OR5M3: variants seen among roughly 807,000 people sequenced by gnomAD.
OR5M3 encodes olfactory receptor family 5 subfamily M member 3, also known as olfactory receptor 5M3.
For missense variants in OR5M3, 384 were observed against 378.6 expected (o/e 1.01, Z -0.12); for synonymous variants, 129 against 131.3 (o/e 0.98, Z 0.12).
chr11:56,469,382 T>A lies in OR5M3; in HGVS notation c.*192A>T, dbSNP rs184099933. 8.8e-4 allele frequency: 385 copies of A among 435,572 alleles called. 1 individual carries two copies. Among genetic ancestry groups the A allele is most frequent in the Non-Finnish European group, 4.3e-4 (105 of 243,704 alleles). 27.0% of individuals were successfully genotyped at this position (435,572 alleles called of 1,614,324 possible). On this transcript the variant is annotated 3_prime_UTR_variant, in exon 2 of 2. Transcript: ENST00000641993. ...CACAGTTTCAATTAACTTATTTGTA[T>A]GTAATTAATCTCCATACTCACATCA...
At chr11:56,471,373 T>C (rs1159977774) in intron 1 of OR5M3, among the ~76,000 whole-genome samples, 1 of 152,066 alleles carries the variant, frequency 6.6e-6, no homozygotes, top group Admixed American at 6.6e-5. Flanking sequence ...GTTTCTTGTA[T>C]ATTTTGCAAA....
Position 56,472,693 on chromosome 11 carries a change from C to T in OR5M3, c.-45+528G>A, listed in dbSNP as rs550482827. Among the ~76,000 whole-genome samples the T allele has an allele frequency of 7.2e-5, 11 of 152,060 alleles. No individual in the cohort carries two copies. In the South Asian group the frequency reaches 2.1e-3, roughly 29 times the overall value. ...CTCAAGAGTATTTAGAGAATTTCCT[C>T]ACCACCTAAATTTAAAAATACACAC... On this transcript the variant is annotated intron_variant, in intron 1 of 1. Transcript: ENST00000641993.
chr11:56,470,245 A>G lies in OR5M3; in HGVS notation c.253T>C (p.Ser85Pro), dbSNP rs754689161. 4 of 1,613,622 alleles carry G rather than the reference A, an allele frequency of 2.5e-6. No individual in the cohort carries two copies. The highest frequency in any genetic ancestry group is 1.7e-4 in the Middle Eastern group (1 of 6,058). Reference protein sequence around the residue: ...VTPKMLENLLSDKKTITYAGC... With the variant: ...VTPKMLENLLPDKKTITYAGC... ...GCATAAGTAATTGTTTTTTTATCTGATAACAGGTTTTCCAACATTTTAGGG... is the reference window on the plus strand; with the variant it reads ...GCATAAGTAATTGTTTTTTTATCTGGTAACAGGTTTTCCAACATTTTAGGG... The change falls in exon 2 of 2, where the codon TCA becomes CCA. Residue 85 changes from serine to proline, a missense_variant. By Grantham distance (74) the Ser-to-Pro change is moderately conservative. Coordinates refer to ENST00000641993, the MANE Select transcript of OR5M3 (RefSeq NM_001004742.3).
At chr11:56,471,026 G>A (rs1301634923) in intron 1 of OR5M3, among the ~76,000 whole-genome samples, 2 of 151,716 alleles carry the variant, frequency 1.3e-5, no homozygotes, top group East Asian at 1.9e-4. Context: ...TCTTATATTT[G>A]CATTATTTTC....
chr11:56,471,300 A>G (rs1436179030), intron 1 of OR5M3, among the ~76,000 whole-genome samples: 2 of 152,060 alleles, frequency 1.3e-5, no homozygotes, highest in African/African-American at 4.8e-5. Flanking sequence ...TAGAGGTATA[A>G]TAGGGACAGA....
In OR5M3 at chr11:56,469,752, A is replaced by G. The variant is rs1416475436; in HGVS notation, c.746T>C (p.Phe249Ser). 1 of 1,613,264 alleles carries G rather than the reference A, an allele frequency of 6.2e-7. No individual in the cohort carries two copies. Among genetic ancestry groups the G allele is most frequent in the Admixed American group, 1.7e-5 (1 of 59,938 alleles). The change falls in exon 2 of 2, where the codon TTC (phenylalanine) becomes TCC (serine). Residue 249 changes from phenylalanine (F) to serine (S), a missense_variant. Coordinates refer to ENST00000641993, the MANE Select transcript of OR5M3 (RefSeq NM_001004742.3). Reference sequence around the variant, plus strand: ...ATACATGAAGATCAGAGTACCATAGAATATAATGACAGCTGTCAGATGGGA... The same window carrying G: ...ATACATGAAGATCAGAGTACCATAGGATATAATGACAGCTGTCAGATGGGA... ...CGSHLTAVII[F>S]YGTLIFMYLR...
chr11:56,472,636 C>A (rs568409053), intron 1 of OR5M3, among the ~76,000 whole-genome samples: 2 of 151,794 alleles, frequency 1.3e-5, no homozygotes, highest in Non-Finnish European at 2.9e-5. Context: ...CTAGGGGGTG[C>A]GAAGTGTACA....
At chr11:56,471,825 C>G (rs746669464) in intron 1 of OR5M3, among the ~76,000 whole-genome samples, 4 of 151,936 alleles carry the variant, frequency 2.6e-5, no homozygotes, top group Non-Finnish European at 4.4e-5. Flanking sequence ...CTTGAGATAG[C>G]CTTTCAGCAG....
intron 1 of OR5M3, among the ~76,000 whole-genome samples, chr11:56,472,603 G>T (rs867645004): frequency 1.7e-4 from 26 of 152,042 alleles, no homozygotes; most frequent in Non-Finnish European, 1.0e-4. Context: ...AAAATTACAG[G>T]AAACTAGGGG....
rs2134833881 is a variant in OR5M3, at chr11:56,469,968, C to G, written c.530G>C (p.Cys177Ser). 2 of 1,613,412 alleles carry G rather than the reference C, an allele frequency of 1.2e-6. No individual in the cohort carries two copies. Among genetic ancestry groups the G allele is most frequent in the East Asian group, 2.2e-5 (1 of 44,878 alleles). Reference sequence around the variant, plus strand: ...CATTTTGATGAGAGGTGGATCTGCACAGTAGAAATGGTTGATCTCAATTTT... The same window carrying G: ...CATTTTGATGAGAGGTGGATCTGCAGAGTAGAAATGGTTGATCTCAATTTT... Reference protein sequence around the residue: ...CGKIEINHFYCADPPLIKMAC... With the variant: ...CGKIEINHFYSADPPLIKMAC... The change falls in exon 2 of 2, where the codon TGT becomes TCT. Residue 177 changes from cysteine (C) to serine (S), a missense_variant. Transcript: ENST00000641993.
At position 56,469,719 on chromosome 11, in the gene OR5M3, C is replaced by T. The variant is rs187297159; in HGVS notation, c.779G>A (p.Arg260His). 5.0e-6 allele frequency: 8 copies of T among 1,611,708 alleles called. No homozygotes were observed. Among genetic ancestry groups the T allele is most frequent in the African/African-American group, 1.3e-5 (1 of 74,936 alleles). ...YGTLIFMYLR[R>H]PTEESVEQGK... ...CTGCTCCACAGACTCCTCTGTGGGA[C>T]GTCTGAGATACATGAAGATCAGAGT... The change falls in exon 2 of 2, where the codon CGT becomes CAT. Residue 260 changes from arginine to histidine, a missense_variant. Transcript: ENST00000641993.
At position 56,469,722 on chromosome 11, in the gene OR5M3, C is replaced by T. The variant is rs772054049; in HGVS notation, c.776G>A (p.Arg259Lys). 1.2e-6 allele frequency: 2 copies of T among 1,612,386 alleles called. No homozygotes were observed. Among genetic ancestry groups the T allele is most frequent in the South Asian group, 1.1e-5 (1 of 90,944 alleles). ...FYGTLIFMYL[R>K]RPTEESVEQG... The stretch of plus-strand genomic sequence containing the variant: ...CTCCACAGACTCCTCTGTGGGACGT[C>T]TGAGATACATGAAGATCAGAGTACC... Residue 259 changes from arginine to lysine, a missense_variant, in exon 2 of 2, where the codon AGA becomes AAA. Coordinates refer to ENST00000641993, the MANE Select transcript of OR5M3 (RefSeq NM_001004742.3).
chr11:56,472,364 A>T (rs1284517766), intron 1 of OR5M3, among the ~76,000 whole-genome samples: 2 of 152,092 alleles, frequency 1.3e-5, no homozygotes, highest in Non-Finnish European at 2.9e-5. Flanking sequence ...GATTACAGAC[A>T]TGTCAACAGA....
chr11:56,470,122 T>C lies in OR5M3; in HGVS notation c.376A>G (p.Asn126Asp). ...MAFDRYMAIG[N>D]PLLYGSKMSR... ...ATTTTACTGCCATAAAGCAGAGGAT[T>C]CCCAATTGCCATGTATCTATCAAAG... The change falls in exon 2 of 2, where the codon AAT becomes GAT. Residue 126 changes from asparagine to aspartate, a missense_variant. Coordinates refer to ENST00000641993, the MANE Select transcript of OR5M3 (RefSeq NM_001004742.3). 6.2e-7 allele frequency: 1 copy of C among 1,602,292 alleles called. No homozygotes were observed. The highest frequency in any genetic ancestry group is 8.5e-7 in the Non-Finnish European group (1 of 1,169,924).
Position 56,470,387 on chromosome 11 carries a change from C to T in OR5M3, c.111G>A (p.Met37Ile), listed in dbSNP as rs1853654849. 2.5e-6 allele frequency: 4 copies of T among 1,613,406 alleles called. No homozygotes were observed. Among genetic ancestry groups the T allele is most frequent in the Admixed American group, 1.7e-5 (1 of 59,944 alleles). ...ACACCATCATGCCGATATTGCCCAC[C>T]ATGGTGATGATGTAGACCACAAGAA... ...IIFLVVYIIT[M>I]VGNIGMMVLI... The change falls in exon 2 of 2, where the codon ATG (methionine) becomes ATA (isoleucine). Residue 37 changes from methionine to isoleucine, a missense_variant. By Grantham distance (10) the Met-to-Ile change is conservative. Transcript: ENST00000641993.
At chr11:56,470,823 T>C (rs955241824) in intron 1 of OR5M3, among the ~76,000 whole-genome samples, 1 of 152,096 alleles carries the variant, frequency 6.6e-6, no homozygotes, top group Non-Finnish European at 1.5e-5. Flanking sequence ...TTTCCAATGA[T>C]GGCATGTTTG....
At position 56,472,637 on chromosome 11, in the gene OR5M3, G is replaced by C. The variant is rs144500864; in HGVS notation, c.-45+584C>G. 4.5e-3 allele frequency among the ~76,000 whole-genome samples: 680 copies of C among 152,134 alleles called. 3 individuals are homozygous for C. Among genetic ancestry groups the C allele is most frequent in the Non-Finnish European group, 7.4e-3 (503 of 67,972 alleles). ...GGTTAGATTTCATCCTAGGGGGTGC[G>C]AAGTGTACAAAGAAATAGAGATTAG... is the stretch of plus-strand genomic sequence containing the variant. On this transcript the variant is annotated intron_variant, in intron 1 of 1. Coordinates refer to ENST00000641993, the MANE Select transcript of OR5M3 (RefSeq NM_001004742.3).
chr11:56,470,944 T>C (rs758145518), intron 1 of OR5M3, among the ~76,000 whole-genome samples: 1 of 152,054 alleles, frequency 6.6e-6, no homozygotes, highest in Non-Finnish European at 1.5e-5. Flanking sequence ...ATATTCTCAA[T>C]GATTAGAGAA....
rs138643585 is a variant in OR5M3, at chr11:56,469,825, G to A, written c.673C>T (p.Arg225Ter). The A allele has an allele frequency of 2.3e-5, 37 of 1,610,884 alleles. No individual in the cohort carries two copies. In the Admixed American group the frequency reaches 2.5e-4, roughly 11 times the overall value. The part of the protein sequence containing the change: ...SYLFILIAIL[R>*]MRSAEGRQKA... ...TGCCTTCCTTCTGCTGAGCGCATTC[G>A]CAGAATGGCAATGAGGATGAATAAG... The change falls in exon 2 of 2, where the codon CGA (arginine) becomes TGA (stop). Residue 225 changes from arginine to a stop codon, truncating the protein, a stop_gained. Transcript: ENST00000641993. LOFTEE classifies it low-confidence loss of function (END_TRUNC).
Sources: gnomAD v4.1 joint callset for allele counts (sites outside exome capture counted in the v4.1 genomes callset) on GRCh38, gnomAD v4.1.1 for gene constraint, MANE v1.5 for transcripts, NCBI Gene and HGNC (gene_info 2026-07-23, HGNC 2026-07-21) for gene names.